The following CAST variants were observed in gnomAD, a reference collection of about 807,000 sequenced individuals.
The protein encoded by CAST is MIR583 host.
Under a neutral mutation model 119.6 loss-of-function variants are expected in CAST, and 76 were observed. The ratio of observed to expected loss-of-function variants is 0.64; its 90% CI spans 0.53 to 0.77. The LOEUF is 0.77. Ranked by LOEUF, CAST falls within the 30% of genes least tolerant of loss-of-function variation. The pLI, the probability that CAST is intolerant of heterozygous loss-of-function variation, is 0.00. For missense variants in CAST, 953 were observed against 946.5 expected (o/e 1.01, Z -0.09); for synonymous variants, 319 against 331.6 (o/e 0.96, Z 0.41).
chr5:96,580,698 A>C (rs1196659120), intron 1 of CAST, among the ~76,000 whole-genome samples: 1 of 152,220 alleles, frequency 6.6e-6, no homozygotes. Flanking sequence ...CTAGGGTGAG[A>C]TATTTATTTA....
At chr5:96,034,356 G>A in the CAST span, among the ~76,000 whole-genome samples, 1 of 151,638 alleles carries the variant, frequency 6.6e-6, no homozygotes, top group Admixed American at 6.6e-5. Flanking sequence ...CACTGTTGGT[G>A]GGAAGATAAA....
chr5:96,231,466 A>G, the CAST span, among the ~76,000 whole-genome samples: 1 of 152,106 alleles, frequency 6.6e-6, no homozygotes, highest in African/African-American at 2.4e-5. Context: ...GCGCTTAACC[A>G]GGGTTTGCAG....
the CAST span, among the ~76,000 whole-genome samples, chr5:96,141,460 C>A: frequency 1.3e-5 from 2 of 152,138 alleles, no homozygotes; most frequent in Non-Finnish European, 2.9e-5. Context: ...TTCATCCTTT[C>A]CCCCAGAAAA....
At chr5:96,356,764 G>T in the CAST span, among the ~76,000 whole-genome samples, 4 of 152,234 alleles carry the variant, frequency 2.6e-5, no homozygotes, top group South Asian at 6.2e-4. Context: ...GTCAGGTAGC[G>T]TGATGCCTCC....
chr5:96,068,593 A>ATGTGTGTGTGTGTGTG, the CAST span, among the ~76,000 whole-genome samples: 223 of 142,262 alleles, frequency 1.6e-3, no homozygotes, highest in African/African-American at 5.5e-3. Flanking sequence ...CAATAGGATT[A>ATGTGTGTGTGTGTGTG]TGTGTGTGTG....
intron 3 of CAST, among the ~76,000 whole-genome samples, chr5:96,710,519 T>C (rs1164723557): frequency 6.6e-6 from 1 of 152,142 alleles, no homozygotes; most frequent in Non-Finnish European, 1.5e-5. Flanking sequence ...CCCACTGTTC[T>C]AACTACTGCC....
rs764215211 is a variant in CAST, at chr5:96,750,683, G to A, written c.1524+1G>A. ...AGCACCCCCTGAGCCGGCTACCTTG[G>A]TGAGTGACTCCCTGGGCATTTGAGC... On this transcript the variant is annotated splice_donor_variant, in intron 20 of 31. Coordinates refer to ENST00000675179, the MANE Select transcript of CAST (RefSeq NM_001750.7). LOFTEE classifies it high-confidence loss of function. 6.2e-7 allele frequency: 1 copy of A among 1,602,678 alleles called. No homozygotes were observed. The highest frequency in any genetic ancestry group is 1.1e-5 in the South Asian group (1 of 90,818).
chr5:96,404,499 C>T, the CAST span, among the ~76,000 whole-genome samples: 1 of 152,188 alleles, frequency 6.6e-6, no homozygotes, highest in Non-Finnish European at 1.5e-5. Context: ...TTCTCCTTTC[C>T]TTTTCTCCTC....
the CAST span, among the ~76,000 whole-genome samples, chr5:96,320,362 C>T: frequency 3.3e-5 from 5 of 151,454 alleles, no homozygotes; most frequent in Admixed American, 6.6e-5. Context: ...CTAAGCCTCC[C>T]GAGTAGCTGG....
chr5:96,530,215 C>T (rs56188323), intron 1 of CAST, among the ~76,000 whole-genome samples: 23,451 of 151,960 alleles, frequency 0.15, 2,158 homozygotes, highest in Middle Eastern at 0.22. Flanking sequence ...AGGGTAATCA[C>T]GGAAGGCTTC....
chr5:96,409,607 T>G, the CAST span, among the ~76,000 whole-genome samples: 1 of 152,230 alleles, frequency 6.6e-6, no homozygotes, highest in Admixed American at 6.5e-5. Context: ...AGGAACAGTC[T>G]GTGAAATGGT....
intron 1 of CAST, among the ~76,000 whole-genome samples, chr5:96,535,310 C>T (rs1170915603): frequency 6.6e-6 from 1 of 152,054 alleles, no homozygotes; most frequent in East Asian, 1.9e-4. Flanking sequence ...ATACTGAAAG[C>T]ATAAGGAAGA....
the CAST span, among the ~76,000 whole-genome samples, chr5:96,116,066 T>C: frequency 6.6e-6 from 1 of 152,158 alleles, no homozygotes; most frequent in African/African-American, 2.4e-5. Context: ...ATTATATTAT[T>C]CTAGAAAGTA....
the CAST span, among the ~76,000 whole-genome samples, chr5:96,149,337 A>C: frequency 6.6e-6 from 1 of 152,180 alleles, no homozygotes; most frequent in Non-Finnish European, 1.5e-5. Flanking sequence ...AAGTTTTCAC[A>C]TGGGGAGGAT....
At position 96,714,366 on chromosome 5, in the gene CAST, G is replaced by A. The variant is rs80227101; in HGVS notation, c.211-8273G>A. 3.9e-3 allele frequency among the ~76,000 whole-genome samples: 597 copies of A among 152,216 alleles called. 22 individuals carry two copies. The East Asian group carries it at 0.081, about 21-fold the overall frequency. ...ATTTAATGCCCTTCACTAAAGTATAGCATATAATATTAGAACTGCAGAACT... is the reference window on the plus strand; with the variant it reads ...ATTTAATGCCCTTCACTAAAGTATAACATATAATATTAGAACTGCAGAACT... On this transcript the variant is annotated intron_variant, in intron 3 of 31. Coordinates refer to ENST00000675179, the MANE Select transcript of CAST (RefSeq NM_001750.7).
chr5:96,578,467 A>G (rs1032961955), intron 1 of CAST, among the ~76,000 whole-genome samples: 1 of 150,908 alleles, frequency 6.6e-6, no homozygotes, highest in African/African-American at 2.4e-5. Context: ...CCATTTTACT[A>G]TTTGTTTTCT....
At chr5:96,656,590 A>G (rs190796544) in intron 1 of CAST, among the ~76,000 whole-genome samples, 19 of 152,248 alleles carry the variant, frequency 1.2e-4, no homozygotes, top group African/African-American at 4.3e-4. Context: ...GCACCCAGAA[A>G]GTTTTTTCCT....
chr5:96,163,845 A>G, the CAST span, among the ~76,000 whole-genome samples: 2 of 152,230 alleles, frequency 1.3e-5, no homozygotes, highest in Non-Finnish European at 2.9e-5. Flanking sequence ...GATCAGATGT[A>G]ACATGAACAA....
At chr5:96,633,718 C>T (rs1193844793) in intron 1 of CAST, among the ~76,000 whole-genome samples, 4 of 152,230 alleles carry the variant, frequency 2.6e-5, no homozygotes, top group African/African-American at 7.2e-5. Flanking sequence ...TCCCTTTCTT[C>T]ACCCAGGACA....
Sources: allele counts gnomAD v4.1 joint callset (sites outside exome capture counted in the v4.1 genomes callset), GRCh38; gene constraint gnomAD v4.1.1; transcripts MANE v1.5; gene names NCBI Gene and HGNC (gene_info 2026-07-23, HGNC 2026-07-21).